The following PAM16 variants were observed in gnomAD, a reference collection of about 807,000 sequenced individuals.
The protein encoded by PAM16 is mitochondrial import inner membrane translocase subunit TIM16.
Under a neutral mutation model 17.9 loss-of-function variants are expected in PAM16, and 11 were observed. That is an observed-to-expected ratio of 0.62 (90% CI 0.39 to 1.02). The LOEUF (loss-of-function observed/expected upper bound fraction) is 1.02. Among genes scored for constraint, PAM16 ranks in the 50% least tolerant of loss-of-function variants. PAM16 has a pLI of 0.01. For synonymous variants in PAM16, 72 were observed against 67.4 expected (o/e 1.07, Z -0.34); for missense variants, 199 against 165.4 (o/e 1.20, Z -1.11).
intron 1 of PAM16, chr16:4,345,969 T>C: frequency 2.0e-6 from 2 of 985,372 alleles, no homozygotes; most frequent in Non-Finnish European, 2.4e-6. Context: ...TCGTACAGCC[T>C]TGCAATCACT....
chr16:4,341,298 G>A (rs2053642518), intron 3 of PAM16, 70 bp downstream of exon 3: 1 of 1,523,940 alleles, frequency 6.6e-7, no homozygotes, highest in South Asian at 1.2e-5. Flanking sequence ...TCCCTGGCCA[G>A]GCCTCCCTTC....
At chr16:4,350,985 GC>G in intron 1 of PAM16, 1 of 312,746 alleles carries the variant, frequency 3.2e-6, no homozygotes, top group Admixed American at 5.0e-5. Flanking sequence ...TCACACGCGG[GC>G]TAGGCACAGC....
intron 4 of PAM16, among the ~76,000 whole-genome samples, 196 bp downstream of exon 4, chr16:4,340,723 GA>G (rs2053630986): frequency 6.6e-6 from 1 of 152,152 alleles, no homozygotes; most frequent in Non-Finnish European, 1.5e-5. Flanking sequence ...TGAGTGGCTG[GA>G]CCCCGCAAAG....
chr16:4,350,746 C>G (rs576581488), intron 1 of PAM16, among the ~76,000 whole-genome samples: 77 of 152,306 alleles, frequency 5.1e-4, no homozygotes, highest in African/African-American at 1.9e-3. Flanking sequence ...CAGTGTGGCG[C>G]AGGTCTGTTG....
chr16:4,350,337 T>A (rs2053830241), intron 1 of PAM16, among the ~76,000 whole-genome samples: 1 of 149,450 alleles, frequency 6.7e-6, no homozygotes, highest in Non-Finnish European at 1.5e-5. Flanking sequence ...ATACATGATA[T>A]ATAAAAATAT....
intron 1 of PAM16, among the ~76,000 whole-genome samples, chr16:4,349,074 G>T (rs8063556): frequency 0.11 from 17,348 of 151,182 alleles, 1,289 homozygotes; most frequent in African/African-American, 0.2. Context: ...TCCTGCCTCA[G>T]CCTCCTGAGT....
At chr16:4,350,610 C>T (rs2053836367) in intron 1 of PAM16, among the ~76,000 whole-genome samples, 1 of 152,058 alleles carries the variant, frequency 6.6e-6, no homozygotes, top group South Asian at 2.1e-4. Context: ...ATCATGTTGG[C>T]CAGGCTGGTC....
rs1343716073 is a variant in PAM16, at chr16:4,341,497, C to T, written c.96G>A (p.Arg32=). 4.4e-6 allele frequency: 7 copies of T among 1,608,190 alleles called. No individual in the cohort carries two copies. The highest frequency in any genetic ancestry group is 5.9e-6 in the Non-Finnish European group (7 of 1,178,864). ...RALRQEFAAS[R]AAADARGRAG... ...CGCGTCCTCGGGCATCAGCTGCGGC[C>T]CGGCTGGCTGTGTGGACATGTGGGT... Residue 32 remains arginine (R), a synonymous_variant, in exon 3 of 5, where the codon CGG becomes CGA. Coordinates refer to ENST00000318059, the MANE Select transcript of PAM16 (RefSeq NM_016069.11).
intron 1 of PAM16, chr16:4,343,906 T>G (rs2053691080): frequency 2.5e-6 from 1 of 397,826 alleles, no homozygotes; most frequent in Non-Finnish European, 4.4e-6. Flanking sequence ...GTCAGGCTCG[T>G]TCATTTGTGC....
At chr16:4,345,941 T>G (rs997454154) in intron 1 of PAM16, 64 of 985,318 alleles carry the variant, frequency 6.5e-5, no homozygotes, top group Non-Finnish European at 7.1e-5. Flanking sequence ...CCAACAGCCT[T>G]CGGTCCCTCT....
intron 2 of PAM16, among the ~76,000 whole-genome samples, chr16:4,342,735 G>A (rs941710398): frequency 1.3e-5 from 2 of 151,914 alleles, no homozygotes; most frequent in Non-Finnish European, 2.9e-5. Context: ...GAGGCAGGCG[G>A]ATCACCTGAA....
chr16:4,344,506 AGGGG>A (rs1339652816), intron 1 of PAM16, among the ~76,000 whole-genome samples: 19 of 41,030 alleles, frequency 4.6e-4, no homozygotes, highest in Non-Finnish European at 6.3e-4. Flanking sequence ...CTGTGAGAGG[AGGGG>A]GTTCTGTGAG....
At position 4,351,242 on chromosome 16, in the gene PAM16, G is replaced by T. The variant is rs369441725; in HGVS notation, c.-8C>A. The T allele has an allele frequency of 5.0e-5, 73 of 1,466,398 alleles. No homozygotes were observed. Among genetic ancestry groups the T allele is most frequent in the Non-Finnish European group, 6.3e-5 (70 of 1,102,678 alleles). The allele number at this position is 1,466,398 out of a possible 1,614,324, so 90.8% of individuals were successfully genotyped here. On this transcript the variant is annotated 5_prime_UTR_variant, in exon 1 of 5. Coordinates refer to ENST00000318059, the MANE Select transcript of PAM16 (RefSeq NM_016069.11). ...CGACTCGGGGCTCACCATGGCAGCC[G>T]CTCTGCCTCCGGGGCTCAAACTCCG...
intron 2 of PAM16, 67 bp from the exon 3 acceptor site, chr16:4,341,571 T>C: frequency 6.6e-7 from 1 of 1,520,426 alleles, no homozygotes; most frequent in East Asian, 2.4e-5. Flanking sequence ...CCTTCCGAGT[T>C]GGTGGCTCAC....
Position 4,341,362 on chromosome 16 carries a change from C to A in PAM16, c.225+6G>T, listed in dbSNP as rs768995486. The A allele has an allele frequency of 2.5e-6, 4 of 1,569,474 alleles. No homozygotes were observed. In the East Asian group the frequency reaches 7.0e-5, roughly 28 times the overall value. On this transcript the variant is annotated splice_donor_region_variant and intron_variant, in intron 3 of 4. Coordinates refer to ENST00000318059, the MANE Select transcript of PAM16 (RefSeq NM_016069.11). ...CTCAAACTTTGGGGTGGCCCAGTGGCCTCACCTTCTGGACCTCCTCAGGGC... is the reference window on the plus strand; with the variant it reads ...CTCAAACTTTGGGGTGGCCCAGTGGACTCACCTTCTGGACCTCCTCAGGGC...
At chr16:4,343,138 C>T in intron 2 of PAM16, 69 bp downstream of exon 2, 3 of 1,605,586 alleles carry the variant, frequency 1.9e-6, no homozygotes, top group Non-Finnish European at 2.6e-6. Flanking sequence ...CTGAGGTGCC[C>T]ATGGCTACGG....
At chr16:4,341,180 CTCTT>C (rs1286302237) in intron 3 of PAM16, among the ~76,000 whole-genome samples, 184 bp downstream of exon 3, 2 of 152,204 alleles carry the variant, frequency 1.3e-5, no homozygotes, top group African/African-American at 4.8e-5. Context: ...CTGGAAGGCA[CTCTT>C]TGTCTCTAGA....
At chr16:4,343,416 G>A in intron 1 of PAM16, 125 bp from the exon 2 acceptor site, 1 of 1,462,970 alleles carries the variant, frequency 6.8e-7, no homozygotes, top group South Asian at 1.3e-5. Flanking sequence ...CAGAGCTGCA[G>A]CCCCAGGCCA....
chr16:4,342,655 CA>C (rs34431696), intron 2 of PAM16, among the ~76,000 whole-genome samples: 1 of 145,072 alleles, frequency 6.9e-6, no homozygotes. Context: ...AACTCCGTCT[CA>C]AAAAAAAAAG....
Sources: gnomAD v4.1 joint callset for allele counts (sites outside exome capture counted in the v4.1 genomes callset) on GRCh38, gnomAD v4.1.1 for gene constraint, MANE v1.5 for transcripts, NCBI Gene and HGNC (gene_info 2026-07-23, HGNC 2026-07-21) for gene names.